The following MPDZ variants were observed in gnomAD, a reference collection of about 807,000 sequenced individuals.
MPDZ encodes multiple PDZ domain crumbs cell polarity complex component.
A neutral mutation model predicts 239.1 loss-of-function variants in MPDZ; 234 were observed. The ratio of observed to expected loss-of-function variants is 0.98; its 90% CI spans 0.88 to 1.09. The LOEUF (loss-of-function observed/expected upper bound fraction) is 1.09, where lower values mean the gene tolerates loss of function less well. Ranked by LOEUF, MPDZ falls within the 50% of genes least tolerant of loss-of-function variation. The probability of loss-of-function intolerance (pLI) is 0.00; values close to 1 mark genes in which losing one functional copy is unlikely to be tolerated. For synonymous variants in MPDZ, 1,048 were observed against 881.3 expected (o/e 1.19, Z -3.35); for missense variants, 3,175 against 2,510.0 (o/e 1.26, Z -5.66).
intron 3 of MPDZ, among the ~76,000 whole-genome samples, chr9:13,239,617 G>A (rs910019739): frequency 6.6e-6 from 1 of 152,052 alleles, no homozygotes; most frequent in Admixed American, 6.6e-5. Flanking sequence ...TGTCTGGCAA[G>A]GAAAGATAAA....
Position 13,153,005 on chromosome 9 carries a change from A to T in MPDZ, c.3453-2317T>A, listed in dbSNP as rs147664024. ...TTTAAGGAGATGATGAGACCCTGCA[A>T]TCTGCTCCATGCTGCACAAAGGAAG... On this transcript the variant is annotated intron_variant, in intron 24 of 46. Transcript: ENST00000319217. Among the ~76,000 whole-genome samples the T allele has an allele frequency of 7.1e-4, 108 of 152,236 alleles. 1 individual carries two copies. Among genetic ancestry groups the T allele is most frequent in the Middle Eastern group, 6.8e-3 (2 of 294 alleles).
chr9:13,178,213 T>A (rs1952771606), intron 19 of MPDZ, among the ~76,000 whole-genome samples: 1 of 148,930 alleles, frequency 6.7e-6, no homozygotes, highest in Non-Finnish European at 1.5e-5. Flanking sequence ...TAGCCCAGAT[T>A]GTGCCACTGC....
At chr9:13,122,005 G>C (rs763618450) in intron 37 of MPDZ, 73 bp from the exon 38 acceptor site, 3 of 1,598,312 alleles carry the variant, frequency 1.9e-6, no homozygotes, top group South Asian at 1.1e-5. Context: ...AGGGAAGAGA[G>C]AGAAAGAAGC....
intron 41 of MPDZ, 134 bp downstream of exon 41, chr9:13,113,797 T>G: frequency 1.5e-6 from 1 of 683,712 alleles, no homozygotes; most frequent in Non-Finnish European, 2.5e-6. Context: ...GACTTTTTGC[T>G]AACACGTGTT....
chr9:13,124,043 A>G (rs796857773), intron 35 of MPDZ, among the ~76,000 whole-genome samples: 62 of 152,368 alleles, frequency 4.1e-4, no homozygotes, highest in African/African-American at 1.4e-3. Context: ...AACAAAGAGC[A>G]TACAGCAAAT....
chr9:13,173,365 A>C (rs1013841267), intron 21 of MPDZ, among the ~76,000 whole-genome samples: 1 of 152,198 alleles, frequency 6.6e-6, no homozygotes, highest in Non-Finnish European at 1.5e-5. Flanking sequence ...CCAATAGATG[A>C]AGAAATGCTT....
At chr9:13,275,690 T>A (rs527501019) in intron 1 of MPDZ, among the ~76,000 whole-genome samples, 1 of 152,212 alleles carries the variant, frequency 6.6e-6, no homozygotes, top group Non-Finnish European at 1.5e-5. Context: ...GAAGGAAATG[T>A]GACTTGGGTT....
chr9:13,113,801 A>C (rs1015495716), intron 41 of MPDZ, 130 bp downstream of exon 41: 2 of 697,600 alleles, frequency 2.9e-6, no homozygotes, highest in Non-Finnish European at 4.8e-6. Flanking sequence ...TTTTGCTAAC[A>C]CGTGTTTTTG....
chr9:13,259,925 C>T (rs1362679303), intron 1 of MPDZ, among the ~76,000 whole-genome samples: 3 of 152,114 alleles, frequency 2.0e-5, no homozygotes, highest in Non-Finnish European at 2.9e-5. Context: ...CCTCCGCCTC[C>T]CAGGTTCAAG....
At chr9:13,154,387 T>C (rs2133219575) in intron 24 of MPDZ, among the ~76,000 whole-genome samples, 1 of 152,232 alleles carries the variant, frequency 6.6e-6, no homozygotes, top group South Asian at 2.1e-4. Context: ...AGAATGAAAT[T>C]CAGGAAGACA....
chr9:13,249,104 TCACACACACACACACACACA>T (rs199752806), intron 2 of MPDZ, among the ~76,000 whole-genome samples: 1 of 145,808 alleles, frequency 6.9e-6, no homozygotes, highest in African/African-American at 2.5e-5. Context: ...GATCATGGGT[TCACACACACACACACACACA>T]CACACACACA....
At chr9:13,111,003 C>G (rs1942366607) in intron 43 of MPDZ, among the ~76,000 whole-genome samples, 1 of 152,170 alleles carries the variant, frequency 6.6e-6, no homozygotes, top group African/African-American at 2.4e-5. Flanking sequence ...CTCTTCATTT[C>G]TCTTGGGTGA....
At chr9:13,252,875 T>C (rs1229760743) in intron 1 of MPDZ, among the ~76,000 whole-genome samples, 1 of 152,192 alleles carries the variant, frequency 6.6e-6, no homozygotes, top group African/African-American at 2.4e-5. Context: ...GAGAGTCTGA[T>C]AACCTGAATT....
At chr9:13,199,533 T>A (rs1324982266) in intron 12 of MPDZ, among the ~76,000 whole-genome samples, 1 of 152,036 alleles carries the variant, frequency 6.6e-6, no homozygotes. Flanking sequence ...CTTGCAGTAC[T>A]TATGTTGAAA....
At chr9:13,186,897 T>C (rs566210976) in intron 17 of MPDZ, among the ~76,000 whole-genome samples, 5 of 152,286 alleles carry the variant, frequency 3.3e-5, no homozygotes, top group Non-Finnish European at 7.4e-5. Context: ...GGAATGTTAG[T>C]GAACTCTACG....
Position 13,126,504 on chromosome 9 carries a change from T to G in MPDZ, c.4632+12A>C, listed in dbSNP as rs1301332506. 6.5e-7 allele frequency: 1 copy of G among 1,544,726 alleles called. No individual in the cohort carries two copies. Among genetic ancestry groups the G allele is most frequent in the Admixed American group, 2.0e-5 (1 of 50,902 alleles). On this transcript the variant is annotated intron_variant, in intron 34 of 46. Transcript: ENST00000319217. ...GGCCTACATTACCATTTACTTTATT[T>G]TGGAAAATTACCTTTTCAATAGGGT...
intron 1 of MPDZ, among the ~76,000 whole-genome samples, chr9:13,266,899 G>T (rs181248453): frequency 2.6e-5 from 4 of 152,202 alleles, no homozygotes; most frequent in African/African-American, 9.6e-5. Flanking sequence ...TTAGAGGGAT[G>T]TCTACCCTGA....
chr9:13,156,899 CCT>C (rs1259255169), intron 24 of MPDZ, among the ~76,000 whole-genome samples: 2 of 152,030 alleles, frequency 1.3e-5, no homozygotes, highest in Non-Finnish European at 2.9e-5. Flanking sequence ...GCACTTATAC[CCT>C]GTTCTCAATG....
chr9:13,209,508 C>A (rs1957370640), intron 10 of MPDZ, among the ~76,000 whole-genome samples: 1 of 152,132 alleles, frequency 6.6e-6, no homozygotes, highest in Non-Finnish European at 1.5e-5. Flanking sequence ...CAATCTGCAG[C>A]AGAACCCATC....
Sources: allele counts gnomAD v4.1 joint callset (sites outside exome capture counted in the v4.1 genomes callset), GRCh38; gene constraint gnomAD v4.1.1; transcripts MANE v1.5; gene names NCBI Gene and HGNC (gene_info 2026-07-23, HGNC 2026-07-21).